The following CARMIL1 variants were observed in gnomAD, a reference collection of about 807,000 sequenced individuals.
The protein encoded by CARMIL1 is F-actin-uncapping protein LRRC16A.
Under a neutral mutation model 177.1 loss-of-function variants are expected in CARMIL1, and 90 were observed. That is an observed-to-expected ratio of 0.51 (90% CI 0.43 to 0.61). The LOEUF (loss-of-function observed/expected upper bound fraction) is 0.61, where lower values mean the gene tolerates loss of function less well. CARMIL1 is among the 20% of genes least tolerant of loss of function. The pLI is 0.00. For missense variants in CARMIL1, 1,380 were observed against 1,667.0 expected, an observed-to-expected ratio of 0.83 and a Z score of 3.00; for synonymous variants, 577 against 606.2, an observed-to-expected ratio of 0.95 and a Z score of 0.71.
In CARMIL1 at chr6:25,332,767, A is replaced by ACG. The variant is rs1554165928; in HGVS notation, c.138+47859_138+47860insGC. 2.2e-3 allele frequency among the ~76,000 whole-genome samples: 303 copies of ACG among 138,428 alleles called. 3 individuals are homozygous for ACG. Among genetic ancestry groups the ACG allele is most frequent in the South Asian group, 0.015 (66 of 4,456 alleles). The allele number at this position is 138,428 out of a possible 152,430, so 90.8% of individuals were successfully genotyped here. The stretch of plus-strand genomic sequence containing the variant: ...TACACACACACACACACACACACAC[A>ACG]CACACGCGCACACACACACACACAC... On this transcript the variant is annotated intron_variant, in intron 2 of 36. Transcript: ENST00000329474.
intron 2 of CARMIL1, among the ~76,000 whole-genome samples, chr6:25,380,930 T>C (rs1473224538): frequency 3.3e-5 from 5 of 152,194 alleles, no homozygotes; most frequent in African/African-American, 4.8e-5. Context: ...TTTTTGAGGG[T>C]ACACCTATCT....
At chr6:25,366,960 T>C (rs963494609) in intron 2 of CARMIL1, among the ~76,000 whole-genome samples, 2 of 152,234 alleles carry the variant, frequency 1.3e-5, no homozygotes. Context: ...TCTAGAAATG[T>C]TTATACTTCT....
chr6:25,576,981 CT>C (rs1466538109), intron 29 of CARMIL1: 1 of 985,114 alleles, frequency 1.0e-6, no homozygotes, highest in Non-Finnish European at 1.2e-6. Context: ...TGGAGACTCT[CT>C]GCTGTACAAG....
chr6:25,610,968 C>G (rs1215204682), intron 36 of CARMIL1, among the ~76,000 whole-genome samples: 1 of 152,138 alleles, frequency 6.6e-6, no homozygotes, highest in Admixed American at 6.6e-5. Context: ...CGTCTACACC[C>G]AGAAGGCTCT....
chr6:25,556,977 T>G, intron 29 of CARMIL1, 127 bp downstream of exon 29: 1 of 1,002,562 alleles, frequency 1.0e-6, no homozygotes, highest in Admixed American at 2.7e-5. Context: ...CCTCAGACAA[T>G]TCTTTCAGAA....
At chr6:25,379,891 T>C (rs929706974) in intron 2 of CARMIL1, among the ~76,000 whole-genome samples, 3 of 152,220 alleles carry the variant, frequency 2.0e-5, no homozygotes, top group Non-Finnish European at 2.9e-5. Flanking sequence ...GATCAAGATG[T>C]TGTATGTGTG....
chr6:25,409,083 A>T (rs1794666777), intron 2 of CARMIL1, among the ~76,000 whole-genome samples: 1 of 152,210 alleles, frequency 6.6e-6, no homozygotes, highest in Admixed American at 6.5e-5. Context: ...TTCTTCCTTT[A>T]TATCAAAGTT....
intron 11 of CARMIL1, among the ~76,000 whole-genome samples, chr6:25,479,473 G>A (rs993320619): frequency 1.3e-5 from 2 of 151,984 alleles, no homozygotes; most frequent in East Asian, 1.9e-4. Context: ...TTATACCCTC[G>A]AGTTATAATT....
At chr6:25,540,920 A>G (rs1018786903) in intron 26 of CARMIL1, among the ~76,000 whole-genome samples, 5 of 152,216 alleles carry the variant, frequency 3.3e-5, no homozygotes, top group African/African-American at 9.6e-5. Context: ...TAAGGAGTTT[A>G]ATCCCCTGTC....
At chr6:25,366,100 C>T (rs1789765126) in intron 2 of CARMIL1, among the ~76,000 whole-genome samples, 1 of 152,002 alleles carries the variant, frequency 6.6e-6, no homozygotes, top group South Asian at 2.1e-4. Context: ...GGTTCACAAC[C>T]TCCCATTTCA....
rs767055593 is a variant in CARMIL1 at position 25,591,497 on chromosome 6, C to G, written c.3007-2918C>G. On this transcript the variant is annotated intron_variant, in intron 31 of 36. Transcript: ENST00000329474. Reference sequence around the variant, plus strand: ...CTCCTTTTCCAACAGCTGTTCTACCCTTTTCAGTCTGAAATGTATTCTCCT... The same window carrying G: ...CTCCTTTTCCAACAGCTGTTCTACCGTTTTCAGTCTGAAATGTATTCTCCT... 7.9e-4 allele frequency among the ~76,000 whole-genome samples: 121 copies of G among 152,328 alleles called. 1 individual carries two copies. Among genetic ancestry groups the G allele is most frequent in the South Asian group, 4.1e-4 (2 of 4,820 alleles).
At chr6:25,599,148 A>G (rs1188504389) in intron 32 of CARMIL1, among the ~76,000 whole-genome samples, 1 of 152,158 alleles carries the variant, frequency 6.6e-6, no homozygotes, top group Non-Finnish European at 1.5e-5. Flanking sequence ...GGATCCGATG[A>G]ATTTTTGAAT....
At position 25,521,145 on chromosome 6, in the gene CARMIL1, GAC is replaced by G. The variant is rs1327476384; in HGVS notation, c.1968+810_1968+811del. Among the ~76,000 whole-genome samples, 10 of 152,200 alleles carry G rather than the reference GAC, an allele frequency of 6.6e-5. No homozygotes were observed. The East Asian group carries it at 1.9e-3, about 30-fold the overall frequency. On this transcript the variant is annotated intron_variant, in intron 23 of 36. Coordinates refer to ENST00000329474, the MANE Select transcript of CARMIL1 (RefSeq NM_017640.6). Reference sequence around the variant, plus strand: ...GTTACTGGTTTGCAAACTGGGAAGAGACAGTCTCTGGTGTGTGCTGAATGTGC... The same window carrying G: ...GTTACTGGTTTGCAAACTGGGAAGAGAGTCTCTGGTGTGTGCTGAATGTGC...
chr6:25,510,696 A>G lies in CARMIL1; in HGVS notation c.1578-12A>G. On this transcript the variant is annotated splice_polypyrimidine_tract_variant and intron_variant, in intron 19 of 36. Transcript: ENST00000329474. ...TTTGATTCCACTGTCCACATCTCTA[A>G]AATCTCTTTAGAAATCTGACACCTG... The G allele has an allele frequency of 6.5e-7, 1 of 1,542,318 alleles. No individual in the cohort carries two copies. The highest frequency in any genetic ancestry group is 8.8e-7 in the Non-Finnish European group (1 of 1,138,056).
At chr6:25,600,060 C>A (rs59403744) in intron 32 of CARMIL1, among the ~76,000 whole-genome samples, 3,405 of 152,196 alleles carry the variant, frequency 0.022, 105 homozygotes, top group African/African-American at 0.071. Flanking sequence ...AGTAAGCTAG[C>A]AAACTGGCTG....
intron 8 of CARMIL1, among the ~76,000 whole-genome samples, chr6:25,456,665 G>A (rs549758324): frequency 6.6e-6 from 1 of 152,214 alleles, no homozygotes; most frequent in South Asian, 2.1e-4. Context: ...GAATTATGAA[G>A]GTAGAGGTAC....
chr6:25,412,056 G>A (rs1380790877), intron 2 of CARMIL1, among the ~76,000 whole-genome samples: 2 of 152,110 alleles, frequency 1.3e-5, no homozygotes, highest in Non-Finnish European at 2.9e-5. Flanking sequence ...TCATGGTTAG[G>A]CCACTTGGCT....
intron 33 of CARMIL1, among the ~76,000 whole-genome samples, chr6:25,604,168 G>C (rs1468446244): frequency 6.6e-6 from 1 of 152,086 alleles, no homozygotes; most frequent in Non-Finnish European, 1.5e-5. Context: ...TGAACTCCTG[G>C]GGTTGGTCAG....
At chr6:25,495,252 G>T (rs772811516) in intron 16 of CARMIL1, 37 bp downstream of exon 16, 3 of 1,410,250 alleles carry the variant, frequency 2.1e-6, no homozygotes, top group Non-Finnish European at 2.9e-6. Context: ...AGCTTTTAAA[G>T]TTCAACTTAT....
Sources: allele counts gnomAD v4.1 joint callset (sites outside exome capture counted in the v4.1 genomes callset), GRCh38; gene constraint gnomAD v4.1.1; transcripts MANE v1.5; gene names NCBI Gene and HGNC (gene_info 2026-07-23, HGNC 2026-07-21).